Variants in AKAIN1 observed in about 807,000 individuals in gnomAD.
The protein encoded by AKAIN1 is A-kinase anchor inhibitor 1.
AKAIN1 carries 3 observed loss-of-function variants against 3.7 expected under a neutral mutation model. The ratio of observed to expected loss-of-function variants is 0.82; its 90% confidence interval spans 0.37 to 2.12. AKAIN1 has a LOEUF of 2.12. AKAIN1 is among the 30% of genes most tolerant of loss of function. The pLI is 0.06. For missense variants in AKAIN1, 82 were observed against 82.7 expected, an observed-to-expected ratio of 0.99 and a Z score of 0.03; for synonymous variants, 31 against 30.8, an observed-to-expected ratio of 1.01 and a Z score of -0.02.
chr18:5,167,951 C>T (rs1458746211), intron 1 of AKAIN1, among the ~76,000 whole-genome samples: 1 of 152,030 alleles, frequency 6.6e-6, no homozygotes, highest in Non-Finnish European at 1.5e-5. Flanking sequence ...TCTAAATTGC[C>T]TTATGAAATA....
chr18:5,196,009 G>T (rs907709913), intron 1 of AKAIN1, among the ~76,000 whole-genome samples: 2 of 151,658 alleles, frequency 1.3e-5, no homozygotes, highest in Admixed American at 6.6e-5. Context: ...TTGAAGAAAA[G>T]ACTCAATTCT....
At chr18:5,175,924 T>C (rs757827684) in intron 1 of AKAIN1, among the ~76,000 whole-genome samples, 19 of 152,150 alleles carry the variant, frequency 1.2e-4, no homozygotes, top group Admixed American at 2.0e-4. Context: ...GTGCATTTAA[T>C]GATATTTTGT....
chr18:5,196,317 C>A (rs373811696), intron 1 of AKAIN1, among the ~76,000 whole-genome samples: 1 of 152,224 alleles, frequency 6.6e-6, no homozygotes, highest in African/African-American at 2.4e-5. Context: ...TCCAGTGGGG[C>A]GGACTCAAAT....
intron 1 of AKAIN1, among the ~76,000 whole-genome samples, chr18:5,189,432 C>T (rs1246767681): frequency 6.6e-6 from 1 of 152,112 alleles, no homozygotes; most frequent in Non-Finnish European, 1.5e-5. Context: ...AATTTTTCTG[C>T]TCTGCTTCCA....
At chr18:5,160,288 A>G (rs1398787607) in intron 1 of AKAIN1, among the ~76,000 whole-genome samples, 1 of 152,198 alleles carries the variant, frequency 6.6e-6, no homozygotes, top group Non-Finnish European at 1.5e-5. Flanking sequence ...CAACCTGGTA[A>G]GCATGCAATT....
intron 1 of AKAIN1, among the ~76,000 whole-genome samples, chr18:5,151,301 T>C (rs956437096): frequency 4.6e-5 from 7 of 152,180 alleles, no homozygotes; most frequent in African/African-American, 1.4e-4. Context: ...AATAGAATGA[T>C]AGTTTTGTTC....
chr18:5,173,069 G>A (rs1011672055), intron 1 of AKAIN1, among the ~76,000 whole-genome samples: 2 of 152,068 alleles, frequency 1.3e-5, no homozygotes, highest in African/African-American at 2.4e-5. Flanking sequence ...ATTGTAATGT[G>A]CAAAATAAAG....
intron 1 of AKAIN1, among the ~76,000 whole-genome samples, chr18:5,188,528 C>G (rs1365619646): frequency 6.6e-6 from 1 of 152,010 alleles, no homozygotes; most frequent in Non-Finnish European, 1.5e-5. Flanking sequence ...CCCCTGAGCC[C>G]CTTTACACTT....
intron 1 of AKAIN1, among the ~76,000 whole-genome samples, chr18:5,194,046 T>G (rs1430798429): frequency 6.6e-6 from 1 of 152,136 alleles, no homozygotes; most frequent in Non-Finnish European, 1.5e-5. Flanking sequence ...ATTTTAGTCT[T>G]TAGCCTAAGT....
In AKAIN1 at chr18:5,194,974, A is replaced by C. The variant is rs73943147; in HGVS notation, c.16+2064T>G. 4.8e-3 allele frequency among the ~76,000 whole-genome samples: 727 copies of C among 152,344 alleles called. 5 individuals are homozygous for C. The highest frequency in any genetic ancestry group is 0.016 in the African/African-American group (674 of 41,580). ...CAGTGCTGAAAATCTGGCGGAGTTCAAAAGCAATTCATTGTTCTGCTTTTC... is the reference window on the plus strand; with the variant it reads ...CAGTGCTGAAAATCTGGCGGAGTTCCAAAGCAATTCATTGTTCTGCTTTTC... On this transcript the variant is annotated intron_variant, in intron 1 of 1. Coordinates refer to ENST00000434239, the MANE Select transcript of AKAIN1 (RefSeq NM_001145194.2).
At chr18:5,152,909 C>T (rs963526906) in intron 1 of AKAIN1, among the ~76,000 whole-genome samples, 1 of 152,152 alleles carries the variant, frequency 6.6e-6, no homozygotes, top group Non-Finnish European at 1.5e-5. Context: ...GGTATCAGAG[C>T]CTTTTTCTGA....
chr18:5,173,993 T>TGAGCCCTTGCCCCA (rs1228341883), intron 1 of AKAIN1, among the ~76,000 whole-genome samples: 1 of 152,178 alleles, frequency 6.6e-6, no homozygotes. Flanking sequence ...GAAGATGCTC[T>TGAGCCCTTGCCCCA]GAGCCCTTGC....
chr18:5,157,841 C>T (rs192473485), intron 1 of AKAIN1, among the ~76,000 whole-genome samples: 1 of 152,184 alleles, frequency 6.6e-6, no homozygotes, highest in East Asian at 1.9e-4. Context: ...CATGCTACGA[C>T]CACCAGCTAA....
rs1356387408 is a variant in AKAIN1 at position 5,144,000 on chromosome 18, T to C, written c.*1562A>G. ...AATTATATCACATCAGTTATATGAC[T>C]TTTGGTCGACTTAAACTCACTCTTC... On this transcript the variant is annotated 3_prime_UTR_variant, in exon 2 of 2. Transcript: ENST00000434239. Among the ~76,000 whole-genome samples the C allele has an allele frequency of 6.6e-6, 1 of 152,204 alleles. No individual in the cohort carries two copies. Among genetic ancestry groups the C allele is most frequent in the African/African-American group, 2.4e-5 (1 of 41,446 alleles).
chr18:5,172,913 T>C (rs980656308), intron 1 of AKAIN1, among the ~76,000 whole-genome samples: 5 of 152,084 alleles, frequency 3.3e-5, no homozygotes, highest in Admixed American at 2.6e-4. Flanking sequence ...TGTTTTAAAG[T>C]TTGCAACATA....
chr18:5,145,528 A>C lies in AKAIN1; in HGVS notation c.*34T>G, dbSNP rs1158960691. 11 of 1,536,722 alleles carry C rather than the reference A, an allele frequency of 7.2e-6. No homozygotes were observed. In the Admixed American group the frequency reaches 2.0e-4, roughly 28 times the overall value. On this transcript the variant is annotated 3_prime_UTR_variant, in exon 2 of 2. Transcript: ENST00000434239. ...GTCCTATACTAAGAGGAAGGCTAGAAACCAAGCACATGTCAAGAGCCAAAT... is the reference window on the plus strand; with the variant it reads ...GTCCTATACTAAGAGGAAGGCTAGACACCAAGCACATGTCAAGAGCCAAAT...
At position 5,179,297 on chromosome 18, in the gene AKAIN1, G is replaced by A. The variant is rs1337932177; in HGVS notation, c.16+17741C>T. Among the ~76,000 whole-genome samples, 3 of 151,958 alleles carry A rather than the reference G, an allele frequency of 2.0e-5. No individual in the cohort carries two copies. In the East Asian group the frequency reaches 5.8e-4, roughly 29 times the overall value. ...CTCCCATTTGTAAGTGAGAACATGT[G>A]GTATTTGACTTTCTGTTTCTGAGTT... On this transcript the variant is annotated intron_variant, in intron 1 of 1. Transcript: ENST00000434239.
intron 1 of AKAIN1, among the ~76,000 whole-genome samples, chr18:5,148,509 T>C (rs1015516297): frequency 3.3e-5 from 5 of 152,176 alleles, no homozygotes; most frequent in Admixed American, 3.3e-4. Flanking sequence ...CGCTTAGCTA[T>C]GTGGGAGGCT....
At chr18:5,171,398 A>G (rs998878802) in intron 1 of AKAIN1, among the ~76,000 whole-genome samples, 1 of 152,176 alleles carries the variant, frequency 6.6e-6, no homozygotes, top group African/African-American at 2.4e-5. Flanking sequence ...CAAAGTGAAG[A>G]GACAACCCAC....
Sources: allele counts gnomAD v4.1 joint callset (sites outside exome capture counted in the v4.1 genomes callset), GRCh38; gene constraint gnomAD v4.1.1; transcripts MANE v1.5; gene names NCBI Gene and HGNC (gene_info 2026-07-23, HGNC 2026-07-21).